ACVR2A: variants seen among roughly 807,000 people sequenced by gnomAD.
ACVR2A encodes activin A receptor type 2A, also known as activin receptor type-2A.
Under a neutral mutation model 61.4 loss-of-function variants are expected in ACVR2A, and 7 were observed. The ratio of observed to expected loss-of-function variants is 0.11; its 90% CI spans 0.06 to 0.21. The LOEUF (loss-of-function observed/expected upper bound fraction) is 0.21, where lower values mean the gene tolerates loss of function less well. ACVR2A is among the 10% of genes least tolerant of loss of function. The probability of loss-of-function intolerance (pLI) is 1.00; values close to 1 mark genes in which losing one functional copy is unlikely to be tolerated. For synonymous variants in ACVR2A, 193 were observed against 208.3 expected, an observed-to-expected ratio of 0.93 and a Z score of 0.63; for missense variants, 322 against 621.7, an observed-to-expected ratio of 0.52 and a Z score of 5.13.
chr2:147,878,250 T>G (rs1035772922), intron 1 of ACVR2A, among the ~76,000 whole-genome samples: 10 of 152,178 alleles, frequency 6.6e-5, no homozygotes, highest in Non-Finnish European at 1.0e-4. Flanking sequence ...ACGTGAAAGA[T>G]TTAAATTAAA....
At chr2:147,845,467 A>G (rs1307286436) in intron 1 of ACVR2A, among the ~76,000 whole-genome samples, 3 of 151,392 alleles carry the variant, frequency 2.0e-5, no homozygotes, top group African/African-American at 7.3e-5. Flanking sequence ...GAAGTGAGAA[A>G]GTCATGTTTT....
chr2:147,852,313 C>T (rs1442068313), intron 1 of ACVR2A, among the ~76,000 whole-genome samples: 2 of 151,966 alleles, frequency 1.3e-5, no homozygotes, highest in Non-Finnish European at 2.9e-5. Flanking sequence ...GTGCAGGACA[C>T]TTATGTATTT....
intron 1 of ACVR2A, chr2:147,877,611 C>G (rs1440191600): frequency 6.6e-6 from 1 of 152,060 alleles, no homozygotes; most frequent in East Asian, 1.9e-4. Context: ...TTCTTTAGTT[C>G]TACTTTTCCT....
At chr2:147,881,969 C>T (rs1280402942) in intron 1 of ACVR2A, among the ~76,000 whole-genome samples, 1 of 152,070 alleles carries the variant, frequency 6.6e-6, no homozygotes, top group African/African-American at 2.4e-5. Context: ...AAGAAACAAA[C>T]TATTAAGAAT....
At position 147,885,623 on chromosome 2, in the gene ACVR2A, A is replaced by G. The variant is rs552409718; in HGVS notation, c.56-10678A>G. Among the ~76,000 whole-genome samples the G allele has an allele frequency of 7.2e-5, 11 of 152,254 alleles. No homozygotes were observed. The East Asian group carries it at 1.5e-3, about 21-fold the overall frequency. On this transcript the variant is annotated intron_variant, in intron 1 of 10. Transcript: ENST00000241416. Reference sequence around the variant, plus strand: ...TTTGTGGCTTGGAAAAACATTTTCAATGATGGTATTATGACTTCTAAAAGT... The same window carrying G: ...TTTGTGGCTTGGAAAAACATTTTCAGTGATGGTATTATGACTTCTAAAAGT...
At chr2:147,875,445 A>G (rs1464445892) in intron 1 of ACVR2A, among the ~76,000 whole-genome samples, 1 of 152,170 alleles carries the variant, frequency 6.6e-6, no homozygotes, top group African/African-American at 2.4e-5. Flanking sequence ...AAAAATTTTT[A>G]TTTAATCCTA....
Position 147,845,092 on chromosome 2 carries a change from A to G in ACVR2A, c.-61A>G. On this transcript the variant is annotated 5_prime_UTR_variant, in exon 1 of 11. Transcript: ENST00000241416. ...ACACCAGGAGGTTTGTCTCCGAGGA[A>G]GACCCAGGGAACTGGATATCTAGCG... The G allele has an allele frequency of 7.0e-7, 1 of 1,434,450 alleles. No individual in the cohort carries two copies. The highest frequency in any genetic ancestry group is 9.5e-7 in the Non-Finnish European group (1 of 1,052,360). The allele number at this position is 1,434,450 out of a possible 1,614,324, so 88.9% of individuals were successfully genotyped here. A position where few individuals can be genotyped will look rare whatever the true frequency, so the allele number is the denominator to read the frequency against.
intron 4 of ACVR2A, among the ~76,000 whole-genome samples, chr2:147,902,319 G>A (rs1558808523): frequency 6.6e-6 from 1 of 151,874 alleles, no homozygotes; most frequent in Non-Finnish European, 1.5e-5. Flanking sequence ...AGAAAAATCT[G>A]ACCCAAGGAC....
At chr2:147,890,666 A>G (rs996921491) in intron 1 of ACVR2A, among the ~76,000 whole-genome samples, 1 of 152,200 alleles carries the variant, frequency 6.6e-6, no homozygotes, top group African/African-American at 2.4e-5. Flanking sequence ...ATGGGTAGAG[A>G]TTTAAAGTTT....
At chr2:147,847,074 C>G (rs1685330219) in intron 1 of ACVR2A, among the ~76,000 whole-genome samples, 1 of 151,960 alleles carries the variant, frequency 6.6e-6, no homozygotes, top group Admixed American at 6.6e-5. Flanking sequence ...GGATTATTTT[C>G]ATTGGGCCAG....
chr2:147,870,142 TGTG>T (rs1462070320), intron 1 of ACVR2A, among the ~76,000 whole-genome samples: 1 of 151,924 alleles, frequency 6.6e-6, no homozygotes, highest in African/African-American at 2.4e-5. Flanking sequence ...AAGGTCTTAA[TGTG>T]GTGTATTCTC....
At chr2:147,849,478 T>G (rs1685396812) in intron 1 of ACVR2A, among the ~76,000 whole-genome samples, 1 of 152,206 alleles carries the variant, frequency 6.6e-6, no homozygotes, top group African/African-American at 2.4e-5. Context: ...AATTACATAA[T>G]TATCTTGAGA....
In ACVR2A at chr2:147,918,520, C is replaced by T. The variant is rs760032206; in HGVS notation, c.890C>T (p.Ala297Val). 2 of 1,612,432 alleles carry T rather than the reference C, an allele frequency of 1.2e-6. No individual in the cohort carries two copies. The highest frequency in any genetic ancestry group is 1.7e-6 in the Non-Finnish European group (2 of 1,179,034). ...CTGTGTCATATTGCAGAAACCATGG[C>T]TAGAGGATTGGCATATTTACATGAG... Reference protein sequence around the residue: ...NELCHIAETMARGLAYLHEDI... With the variant: ...NELCHIAETMVRGLAYLHEDI... The change falls in exon 7 of 11, where the codon GCT becomes GTT. Residue 297 changes from alanine to valine, a missense_variant. This residue lies in a region of ACVR2A where 146 missense variants were observed against 383.8 expected (regional missense o/e 0.38). Transcript: ENST00000241416.
intron 4 of ACVR2A, among the ~76,000 whole-genome samples, chr2:147,906,575 C>T (rs547728138): frequency 1.5e-4 from 23 of 152,260 alleles, no homozygotes; most frequent in African/African-American, 5.3e-4. Flanking sequence ...GGGTGCCTAG[C>T]TAATGCTAAG....
chr2:147,862,762 T>C (rs1685760043), intron 1 of ACVR2A, among the ~76,000 whole-genome samples: 1 of 152,058 alleles, frequency 6.6e-6, no homozygotes, highest in Admixed American at 6.5e-5. Flanking sequence ...AAAAATTGTT[T>C]TTCTAACAGT....
intron 4 of ACVR2A, among the ~76,000 whole-genome samples, chr2:147,908,598 C>T (rs766669221): frequency 5.3e-5 from 8 of 152,210 alleles, no homozygotes; most frequent in Non-Finnish European, 1.2e-4. Context: ...ACATTGTCCT[C>T]GCATATACTG....
At chr2:147,861,777 CCTT>C (rs1387328793) in intron 1 of ACVR2A, among the ~76,000 whole-genome samples, 2 of 152,148 alleles carry the variant, frequency 1.3e-5, no homozygotes, top group African/African-American at 2.4e-5. Context: ...CACCTGAAAA[CCTT>C]CTTTCCAAAG....
intron 1 of ACVR2A, among the ~76,000 whole-genome samples, chr2:147,846,395 T>G (rs892439962): frequency 6.6e-6 from 1 of 151,590 alleles, no homozygotes; most frequent in African/African-American, 2.4e-5. Flanking sequence ...TGTGTGTGTG[T>G]GTGTTTGTGT....
At chr2:147,848,612 A>G (rs963062095) in intron 1 of ACVR2A, among the ~76,000 whole-genome samples, 2 of 152,306 alleles carry the variant, frequency 1.3e-5, no homozygotes, top group African/African-American at 4.8e-5. Context: ...AATGATGAGA[A>G]AACATGAAAA....
Sources: gnomAD v4.1 joint callset for allele counts (sites outside exome capture counted in the v4.1 genomes callset) on GRCh38, gnomAD v4.1.1 for gene constraint, gnomAD v4.1.1 regional missense constraint, MANE v1.5 for transcripts, NCBI Gene and HGNC (gene_info 2026-07-23, HGNC 2026-07-21) for gene names.